The following AJAP1 variants were observed in gnomAD, a reference collection of about 807,000 sequenced individuals.
AJAP1 encodes adherens junction-associated protein 1.
A neutral mutation model predicts 35.0 loss-of-function variants in AJAP1; 5 were observed. The observed-to-expected ratio is 0.14, with a 90% CI of 0.07 to 0.30. The LOEUF is 0.30. AJAP1 is among the 10% of genes least tolerant of loss of function. The pLI is 1.00. For synonymous variants in AJAP1, 284 were observed against 249.3 expected (o/e 1.14, Z -1.31); for missense variants, 586 against 571.0 (o/e 1.03, Z -0.27).
intron 1 of AJAP1, among the ~76,000 whole-genome samples, chr1:4,703,905 G>A (rs551989645): frequency 1.3e-5 from 2 of 152,330 alleles, no homozygotes; most frequent in African/African-American, 4.8e-5. Flanking sequence ...GAGCTCCCTG[G>A]GCTAGGAATG....
intron 2 of AJAP1, among the ~76,000 whole-genome samples, chr1:4,766,239 T>C (rs995980887): frequency 1.3e-5 from 2 of 152,102 alleles, no homozygotes; most frequent in African/African-American, 2.4e-5. Context: ...AATGGTAGAG[T>C]TGAGTAGTTG....
intron 2 of AJAP1, among the ~76,000 whole-genome samples, chr1:4,717,264 G>C (rs1318594063): frequency 2.0e-5 from 3 of 152,206 alleles, no homozygotes; most frequent in Non-Finnish European, 4.4e-5. Context: ...GGAGTGCTTG[G>C]TGTACAGTTA....
At chr1:4,747,820 T>G (rs1641224880) in intron 2 of AJAP1, among the ~76,000 whole-genome samples, 1 of 151,786 alleles carries the variant, frequency 6.6e-6, no homozygotes, top group Non-Finnish European at 1.5e-5. Context: ...AAACCTTGTC[T>G]CTACTAAAAA....
intron 2 of AJAP1, among the ~76,000 whole-genome samples, chr1:4,743,373 G>A (rs1369379613): frequency 6.6e-6 from 1 of 152,188 alleles, no homozygotes; most frequent in East Asian, 1.9e-4. Flanking sequence ...GGGCAGAAAA[G>A]GGGCTCGAGA....
chr1:4,744,154 G>C (rs773476619), intron 2 of AJAP1, among the ~76,000 whole-genome samples: 9 of 152,188 alleles, frequency 5.9e-5, no homozygotes, highest in Non-Finnish European at 7.3e-5. Context: ...AGCCAGGCCC[G>C]AGCTGGTGCA....
At position 4,656,978 on chromosome 1, in the gene AJAP1, C is replaced by T. The variant is rs188550567; in HGVS notation, c.29+1524C>T. ...TGCCCCGGACTGTCCCAGGTCTCAG[C>T]AAGACCTTCCAAGGCTTTGTGAATG... On this transcript the variant is annotated intron_variant, in intron 1 of 5. Coordinates refer to ENST00000378191, the MANE Select transcript of AJAP1 (RefSeq NM_018836.4). This position sits in a 1 kb window ranked among gnomAD's most constrained non-coding sequence, Gnocchi z 5.7. 1.3e-5 allele frequency among the ~76,000 whole-genome samples: 2 copies of T among 152,306 alleles called. No individual in the cohort carries two copies. Among genetic ancestry groups the T allele is most frequent in the East Asian group, 3.9e-4 (2 of 5,162 alleles).
rs1185597969 is a variant in AJAP1 at position 4,779,374 on chromosome 1, C to T, written c.*60-3171C>T. Among the ~76,000 whole-genome samples, 6 of 149,404 alleles carry T rather than the reference C, an allele frequency of 4.0e-5. No individual in the cohort carries two copies. In the East Asian group the frequency reaches 5.9e-4, roughly 15 times the overall value. Reference sequence around the variant, plus strand: ...TTTTTGAGACAGAGTCTCGCTCTGTCGCCCAGGCTGGAGTGCAGTGGCTCG... The same window carrying T: ...TTTTTGAGACAGAGTCTCGCTCTGTTGCCCAGGCTGGAGTGCAGTGGCTCG... On this transcript the variant is annotated intron_variant, in intron 5 of 5. Coordinates refer to ENST00000378191, the MANE Select transcript of AJAP1 (RefSeq NM_018836.4).
At chr1:4,753,514 C>T (rs1641364290) in intron 2 of AJAP1, among the ~76,000 whole-genome samples, 1 of 150,352 alleles carries the variant, frequency 6.7e-6, no homozygotes, top group Non-Finnish European at 1.5e-5. Context: ...TTATATGTGT[C>T]CCAGTTCCTC....
chr1:4,718,282 C>T (rs2100277660), intron 2 of AJAP1, among the ~76,000 whole-genome samples: 1 of 152,230 alleles, frequency 6.6e-6, no homozygotes, highest in South Asian at 2.1e-4. Context: ...GAAAGTCCAG[C>T]CTCTGATTCT....
At chr1:4,746,485 T>C (rs964702642) in intron 2 of AJAP1, among the ~76,000 whole-genome samples, 2 of 151,930 alleles carry the variant, frequency 1.3e-5, no homozygotes, top group African/African-American at 2.4e-5. Context: ...ACATGAGCAA[T>C]AACGGGTGGG....
intron 1 of AJAP1, among the ~76,000 whole-genome samples, chr1:4,708,072 A>ATT (rs975918480): frequency 4.0e-5 from 6 of 149,042 alleles, no homozygotes; most frequent in Non-Finnish European, 8.9e-5. Flanking sequence ...GGTTCAAGCG[A>ATT]TTCTCCTGCC....
chr1:4,753,649 C>T (rs1415983149), intron 2 of AJAP1, among the ~76,000 whole-genome samples: 15 of 152,150 alleles, frequency 9.9e-5, no homozygotes, highest in Middle Eastern at 3.4e-3. Flanking sequence ...CTCAGCTCAC[C>T]GCAACCTCCG....
Position 4,655,386 on chromosome 1 carries a change from G to T in AJAP1, c.-40G>T. The T allele has an allele frequency of 6.5e-7, 1 of 1,534,018 alleles. No homozygotes were observed. The highest frequency in any genetic ancestry group is 8.8e-7 in the Non-Finnish European group (1 of 1,138,814). Reference sequence around the variant, plus strand: ...GCGCGGGCGCCGCGCAGATGGCCTGGGCGAGCCAGGTCTGAGGCCCCGCTC... The same window carrying T: ...GCGCGGGCGCCGCGCAGATGGCCTGTGCGAGCCAGGTCTGAGGCCCCGCTC... On this transcript the variant is annotated 5_prime_UTR_variant, in exon 1 of 6. Transcript: ENST00000378191. This position sits in a 1 kb window ranked among gnomAD's most constrained non-coding sequence, Gnocchi z 6.9.
At chr1:4,758,485 T>A (rs1386266570) in intron 2 of AJAP1, among the ~76,000 whole-genome samples, 4 of 152,140 alleles carry the variant, frequency 2.6e-5, no homozygotes, top group Non-Finnish European at 5.9e-5. Context: ...CTTCACAAGG[T>A]GGCAGGAAGG....
intron 2 of AJAP1, among the ~76,000 whole-genome samples, chr1:4,760,166 C>T (rs987177473): frequency 5.3e-5 from 8 of 151,878 alleles, no homozygotes; most frequent in South Asian, 2.1e-4. Flanking sequence ...AAATTCAGGC[C>T]GTGTGTGAGT....
intron 2 of AJAP1, among the ~76,000 whole-genome samples, chr1:4,715,042 G>A (rs571002434): frequency 1.3e-5 from 2 of 152,272 alleles, no homozygotes; most frequent in South Asian, 4.2e-4. Context: ...GGGGGATGGG[G>A]CAGGGGGAGG....
intron 1 of AJAP1, among the ~76,000 whole-genome samples, chr1:4,704,308 TC>T (rs1553156659): frequency 2.1e-5 from 2 of 96,824 alleles, no homozygotes; most frequent in Admixed American, 1.2e-4. Context: ...CCTTCCCCCC[TC>T]CCCCCACCCC....
chr1:4,781,252 G>A (rs116296410), intron 5 of AJAP1, among the ~76,000 whole-genome samples: 2,251 of 152,266 alleles, frequency 0.015, 50 homozygotes, highest in African/African-American at 0.043. Context: ...CACTGCGGTG[G>A]GCTCAGTTGA....
chr1:4,748,555 C>T (rs1383281569), intron 2 of AJAP1, among the ~76,000 whole-genome samples: 4 of 152,026 alleles, frequency 2.6e-5, no homozygotes, highest in African/African-American at 9.7e-5. Flanking sequence ...TGAAACCAGC[C>T]TGGCCAATAT....
Sources: allele counts gnomAD v4.1 joint callset (sites outside exome capture counted in the v4.1 genomes callset), GRCh38; gene constraint gnomAD v4.1.1; non-coding constraint Gnocchi (gnomAD v3.1); transcripts MANE v1.5; gene names NCBI Gene and HGNC (gene_info 2026-07-23, HGNC 2026-07-21).